Variants in EPHA3 observed in about 807,000 individuals in gnomAD.
EPHA3 encodes the protein ephrin type-A receptor 3.
A neutral mutation model predicts 107.1 loss-of-function variants in EPHA3; 42 were observed. The observed-to-expected ratio is 0.39, with a 90% CI of 0.31 to 0.51. The LOEUF (loss-of-function observed/expected upper bound fraction) is 0.51. Among genes scored for constraint, EPHA3 ranks in the 20% least tolerant of loss-of-function variants. The pLI, the probability that EPHA3 is intolerant of heterozygous loss-of-function variation, is 0.78. For missense variants in EPHA3, 1,183 were observed against 1,211.2 expected (o/e 0.98, Z 0.35); for synonymous variants, 461 against 424.8 (o/e 1.09, Z -1.05).
At chr3:89,407,449 G>A in intron 8 of EPHA3, 78 bp downstream of exon 8, 1 of 1,139,902 alleles carries the variant, frequency 8.8e-7, no homozygotes, top group Non-Finnish European at 1.3e-6. Context: ...AAAATGTGAA[G>A]AGTGTGCTCA....
rs201798271 is a variant in EPHA3 at position 89,241,010 on chromosome 3, CT to C, written c.814+30494del. ...TTTACTTTATAAACGTATAATTTAT[CT>C]TTTAAAAAAATTTTTTTTTTCATTT... On this transcript the variant is annotated intron_variant, in intron 3 of 16. Coordinates refer to ENST00000336596, the MANE Select transcript of EPHA3 (RefSeq NM_005233.6). Among the ~76,000 whole-genome samples, 106 of 151,812 alleles carry C rather than the reference CT, an allele frequency of 7.0e-4. 1 individual carries two copies. Among genetic ancestry groups the C allele is most frequent in the Non-Finnish European group, 1.2e-3 (80 of 67,894 alleles).
At chr3:89,180,319 G>A (rs1428115537) in intron 2 of EPHA3, among the ~76,000 whole-genome samples, 1 of 149,894 alleles carries the variant, frequency 6.7e-6, no homozygotes, top group Non-Finnish European at 1.5e-5. Flanking sequence ...TTTTTTTAAA[G>A]TAAGTTACCC....
chr3:89,428,504 C>T (rs1457518031), intron 11 of EPHA3, among the ~76,000 whole-genome samples: 1 of 151,938 alleles, frequency 6.6e-6, no homozygotes, highest in Non-Finnish European at 1.5e-5. Flanking sequence ...TTTTATTTTC[C>T]ATTTAAACAT....
At chr3:89,148,805 G>T (rs935065891) in intron 2 of EPHA3, among the ~76,000 whole-genome samples, 1 of 151,928 alleles carries the variant, frequency 6.6e-6, no homozygotes, top group Non-Finnish European at 1.5e-5. Context: ...CCTGTCACTT[G>T]CATGTCAACT....
At chr3:89,281,086 C>T (rs561208319) in intron 3 of EPHA3, among the ~76,000 whole-genome samples, 1 of 151,708 alleles carries the variant, frequency 6.6e-6, no homozygotes, top group African/African-American at 2.4e-5. Flanking sequence ...CGCAGTGGTG[C>T]GATCTTGGAT....
chr3:89,245,701 G>C (rs1488357900), intron 3 of EPHA3, among the ~76,000 whole-genome samples: 1 of 152,198 alleles, frequency 6.6e-6, no homozygotes, highest in Non-Finnish European at 1.5e-5. Flanking sequence ...GTTTCATGAT[G>C]ATCTGTAGTC....
chr3:89,435,647 G>A (rs1033293086), intron 13 of EPHA3, among the ~76,000 whole-genome samples: 4 of 146,568 alleles, frequency 2.7e-5, no homozygotes, highest in African/African-American at 1.0e-4. Context: ...ATATATATGT[G>A]TGTATATGTA....
intron 3 of EPHA3, among the ~76,000 whole-genome samples, chr3:89,289,513 A>T (rs1305587252): frequency 6.6e-6 from 1 of 152,134 alleles, no homozygotes; most frequent in Non-Finnish European, 1.5e-5. Flanking sequence ...AAGCACATTT[A>T]TCTGAGAGCC....
chr3:89,115,970 CA>C (rs761395897), intron 1 of EPHA3, among the ~76,000 whole-genome samples: 7 of 152,196 alleles, frequency 4.6e-5, no homozygotes, highest in South Asian at 4.1e-4. Flanking sequence ...TAGAAACATT[CA>C]GAAATTTGTA....
intron 3 of EPHA3, among the ~76,000 whole-genome samples, chr3:89,332,096 T>C (rs1384387528): frequency 1.3e-5 from 2 of 152,138 alleles, no homozygotes; most frequent in African/African-American, 4.8e-5. Flanking sequence ...TCCCACATAA[T>C]CGTCTGCTCA....
intron 13 of EPHA3, among the ~76,000 whole-genome samples, chr3:89,438,179 G>A (rs1709711147): frequency 6.6e-6 from 1 of 151,880 alleles, no homozygotes; most frequent in Non-Finnish European, 1.5e-5. Context: ...TGGGATCTCG[G>A]CTCACTGCAA....
intron 4 of EPHA3, 64 bp downstream of exon 4, chr3:89,341,135 G>C (rs1029310479): frequency 6.7e-7 from 1 of 1,495,978 alleles, no homozygotes; most frequent in Non-Finnish European, 9.0e-7. Flanking sequence ...TTACTGTGCT[G>C]TTTGTTTTTG....
At chr3:89,394,027 G>T (rs1026053578) in intron 5 of EPHA3, among the ~76,000 whole-genome samples, 2 of 152,162 alleles carry the variant, frequency 1.3e-5, no homozygotes, top group South Asian at 2.1e-4. Flanking sequence ...TGTATGAAAA[G>T]ATATTAATTC....
At chr3:89,363,019 T>G (rs1265741576) in intron 5 of EPHA3, among the ~76,000 whole-genome samples, 2 of 150,964 alleles carry the variant, frequency 1.3e-5, no homozygotes, top group African/African-American at 2.4e-5. Context: ...AGAAAATTAC[T>G]CTTATCATTT....
chr3:89,138,715 T>G (rs1201686049), intron 2 of EPHA3, among the ~76,000 whole-genome samples: 1 of 151,906 alleles, frequency 6.6e-6, no homozygotes, highest in Non-Finnish European at 1.5e-5. Flanking sequence ...AGAATGAGCC[T>G]TTTATTCTTT....
At chr3:89,302,522 G>C (rs149258270) in intron 3 of EPHA3, among the ~76,000 whole-genome samples, 2 of 152,218 alleles carry the variant, frequency 1.3e-5, no homozygotes, top group East Asian at 3.9e-4. Flanking sequence ...AGGTGGAAAT[G>C]ATTACAGAAT....
In EPHA3 at chr3:89,450,224, C is replaced by T. The variant is rs769481764; in HGVS notation, c.2544C>T (p.Asp848=). The part of the protein sequence containing the change: ...DEGYRLPPPM[D]CPAALYQLML... ...GCTATCGACTGCCACCCCCCATGGA[C>T]TGCCCAGCTGCCTTGTATCAGCTGA... Residue 848 remains aspartate (D), a synonymous_variant, in exon 15 of 17, where the codon GAC becomes GAT. Coordinates refer to ENST00000336596, the MANE Select transcript of EPHA3 (RefSeq NM_005233.6). 14 of 1,613,140 alleles carry T rather than the reference C, an allele frequency of 8.7e-6. No individual in the cohort carries two copies. In the East Asian group the frequency reaches 2.7e-4, roughly 31 times the overall value.
intron 9 of EPHA3, among the ~76,000 whole-genome samples, chr3:89,410,464 G>A (rs1401168701): frequency 2.0e-5 from 3 of 151,874 alleles, no homozygotes; most frequent in African/African-American, 4.8e-5. Flanking sequence ...TCTGATGGCA[G>A]GAAATCTCCC....
intron 3 of EPHA3, among the ~76,000 whole-genome samples, chr3:89,312,803 T>G (rs905709830): frequency 5.9e-5 from 9 of 152,012 alleles, no homozygotes; most frequent in African/African-American, 2.2e-4. Flanking sequence ...TTCTCATCAT[T>G]CAGCTCCCAC....
Sources: allele counts gnomAD v4.1 joint callset (sites outside exome capture counted in the v4.1 genomes callset), GRCh38; gene constraint gnomAD v4.1.1; transcripts MANE v1.5; gene names NCBI Gene and HGNC (gene_info 2026-07-23, HGNC 2026-07-21).